Variants in ADAM23 observed in about 807,000 individuals in gnomAD.
The protein encoded by ADAM23 is disintegrin and metalloproteinase domain-containing protein 23.
Under a neutral mutation model 120.1 loss-of-function variants are expected in ADAM23, and 33 were observed. The observed-to-expected ratio is 0.27, with a 90% CI of 0.21 to 0.37. The LOEUF (loss-of-function observed/expected upper bound fraction) is 0.37, where lower values mean the gene tolerates loss of function less well. Ranked by LOEUF, ADAM23 falls within the 10% of genes least tolerant of loss-of-function variation. The pLI is 1.00. For synonymous variants in ADAM23, 367 were observed against 375.2 expected (o/e 0.98, Z 0.25); for missense variants, 862 against 1,058.2 (o/e 0.81, Z 2.57).
intron 3 of ADAM23, among the ~76,000 whole-genome samples, chr2:206,501,933 A>G (rs1374283721): frequency 6.6e-6 from 1 of 152,284 alleles, no homozygotes; most frequent in East Asian, 1.9e-4. Context: ...GTTAGAATTG[A>G]AATGCAGTAA....
At chr2:206,539,819 G>GTA (rs1157730138) in intron 4 of ADAM23, among the ~76,000 whole-genome samples, 1 of 152,028 alleles carries the variant, frequency 6.6e-6, no homozygotes. Context: ...TTTTTCCATA[G>GTA]TACTCTTTAA....
Position 206,596,143 on chromosome 2 carries a change from C to T in ADAM23, c.2340C>T (p.Pro780=), listed in dbSNP as rs770508091. Residue 780 remains proline, a synonymous_variant, in exon 24 of 26, where the codon CCC becomes CCT. Coordinates refer to ENST00000264377, the MANE Select transcript of ADAM23 (RefSeq NM_003812.4). ...ATCCAGTTAGGAACCTTCACCCCCC[C>T]AAGGATGAAGGACCCAAGGGTTTGT... The part of the protein sequence containing the change: ...IRDPVRNLHP[P]KDEGPKGPSA... 4.3e-6 allele frequency: 7 copies of T among 1,613,834 alleles called. No homozygotes were observed. The highest frequency in any genetic ancestry group is 2.2e-5 in the East Asian group (1 of 44,872).
intron 3 of ADAM23, among the ~76,000 whole-genome samples, chr2:206,502,150 GATT>G (rs1266534080): frequency 6.6e-6 from 1 of 152,042 alleles, no homozygotes; most frequent in Non-Finnish European, 1.5e-5. Flanking sequence ...ACAATTTTGT[GATT>G]ATTGTTATCT....
chr2:206,513,602 A>C (rs996944647), intron 3 of ADAM23, among the ~76,000 whole-genome samples: 1 of 152,234 alleles, frequency 6.6e-6, no homozygotes, highest in Non-Finnish European at 1.5e-5. Context: ...AAGCTGAAGC[A>C]AGTTATCCAG....
intron 6 of ADAM23, among the ~76,000 whole-genome samples, chr2:206,544,049 A>T (rs1697347048): frequency 6.6e-6 from 1 of 152,170 alleles, no homozygotes; most frequent in Non-Finnish European, 1.5e-5. Flanking sequence ...GGTGCACCTA[A>T]ATCTCAGAAA....
At chr2:206,463,473 A>C (rs1695470421) in intron 2 of ADAM23, among the ~76,000 whole-genome samples, 1 of 152,150 alleles carries the variant, frequency 6.6e-6, no homozygotes, top group Admixed American at 6.5e-5. Context: ...TGGACTTTTG[A>C]CCTCCAGAAG....
intron 2 of ADAM23, among the ~76,000 whole-genome samples, chr2:206,477,880 T>TAAAAAAAAA (rs71034456): frequency 3.7e-5 from 4 of 109,210 alleles, no homozygotes; most frequent in African/African-American, 1.6e-4. Flanking sequence ...AATATTCTGT[T>TAAAAAAAAA]AAAAAAAAAA....
chr2:206,612,490 T>C (rs973773107), intron 25 of ADAM23, among the ~76,000 whole-genome samples: 2 of 152,230 alleles, frequency 1.3e-5, no homozygotes, highest in Admixed American at 6.5e-5. Context: ...ATACCAGGTT[T>C]TTATTTCTAG....
chr2:206,467,852 G>A (rs988157477), intron 2 of ADAM23, among the ~76,000 whole-genome samples: 2 of 152,198 alleles, frequency 1.3e-5, no homozygotes, highest in Non-Finnish European at 2.9e-5. Context: ...CCAGGCAGAG[G>A]TTCCCAAGCC....
intron 3 of ADAM23, among the ~76,000 whole-genome samples, chr2:206,519,716 A>G (rs1359996975): frequency 6.6e-6 from 1 of 152,182 alleles, no homozygotes; most frequent in African/African-American, 2.4e-5. Flanking sequence ...CATATCTACT[A>G]TTTAAGAAGA....
chr2:206,487,242 T>G (rs1442093829), intron 3 of ADAM23, among the ~76,000 whole-genome samples: 2 of 152,196 alleles, frequency 1.3e-5, no homozygotes, highest in African/African-American at 4.8e-5. Flanking sequence ...ATTGATCTCA[T>G]GGAACTTATG....
intron 2 of ADAM23, among the ~76,000 whole-genome samples, chr2:206,477,869 C>A (rs1483446102): frequency 2.6e-5 from 2 of 76,342 alleles, no homozygotes; most frequent in Non-Finnish European, 4.8e-5. Context: ...AGAAGCAAGC[C>A]AATATTCTGT....
chr2:206,495,400 A>C (rs1696222167), intron 3 of ADAM23, among the ~76,000 whole-genome samples: 1 of 151,972 alleles, frequency 6.6e-6, no homozygotes, highest in Non-Finnish European at 1.5e-5. Flanking sequence ...CAGCCAAACT[A>C]AGCTTCATAA....
intron 3 of ADAM23, among the ~76,000 whole-genome samples, chr2:206,494,372 G>A (rs1389935153): frequency 6.6e-6 from 1 of 152,162 alleles, no homozygotes; most frequent in African/African-American, 2.4e-5. Flanking sequence ...GCTCTTTAAA[G>A]CTGTTCAGTG....
intron 3 of ADAM23, among the ~76,000 whole-genome samples, chr2:206,526,606 T>C (rs1055849783): frequency 6.6e-6 from 1 of 152,200 alleles, no homozygotes; most frequent in Non-Finnish European, 1.5e-5. Flanking sequence ...GTGGTCACAC[T>C]AGAGGGGCAG....
intron 2 of ADAM23, among the ~76,000 whole-genome samples, chr2:206,475,598 C>T (rs1695758965): frequency 1.3e-5 from 2 of 151,864 alleles, no homozygotes; most frequent in South Asian, 2.1e-4. Context: ...ACATACCAAA[C>T]AGCCACGCTG....
chr2:206,614,689 A>G (rs1374524891), intron 25 of ADAM23, among the ~76,000 whole-genome samples: 4 of 152,208 alleles, frequency 2.6e-5, no homozygotes, highest in Non-Finnish European at 5.9e-5. Context: ...CAAGTCAGAT[A>G]AAATTTGAAA....
At chr2:206,590,699 CA>C (rs1698409552) in intron 21 of ADAM23, among the ~76,000 whole-genome samples, 2 of 151,998 alleles carry the variant, frequency 1.3e-5, no homozygotes, top group African/African-American at 2.4e-5. Context: ...AAAATTAAAC[CA>C]AAATAATAGA....
intron 3 of ADAM23, among the ~76,000 whole-genome samples, chr2:206,491,275 T>C (rs1224635054): frequency 6.6e-6 from 1 of 152,110 alleles, no homozygotes; most frequent in Non-Finnish European, 1.5e-5. Flanking sequence ...ATTTTCTAGG[T>C]TCTGGGAGAT....
Sources: gnomAD v4.1 joint callset for allele counts (sites outside exome capture counted in the v4.1 genomes callset) on GRCh38, gnomAD v4.1.1 for gene constraint, MANE v1.5 for transcripts, NCBI Gene and HGNC (gene_info 2026-07-23, HGNC 2026-07-21) for gene names.